The following MED27 variants were observed in gnomAD, a reference collection of about 807,000 sequenced individuals.
MED27 encodes the protein mediator of RNA polymerase II transcription subunit 27.
In MED27, 30 loss-of-function variants were observed where a neutral mutation model predicts 38.2. That is an observed-to-expected ratio of 0.79 (90% CI 0.59 to 1.07). MED27 has a LOEUF of 1.07. Among genes scored for constraint, MED27 ranks in the 50% least tolerant of loss-of-function variants. The probability of loss-of-function intolerance (pLI) is 0.00; values close to 1 mark genes in which losing one functional copy is unlikely to be tolerated. For missense variants in MED27, 289 were observed against 397.5 expected, an observed-to-expected ratio of 0.73 and a Z score of 2.32; for synonymous variants, 122 against 153.5, an observed-to-expected ratio of 0.79 and a Z score of 1.52.
chr9:131,977,550 G>A (rs1408481936), intron 3 of MED27, among the ~76,000 whole-genome samples: 2 of 152,074 alleles, frequency 1.3e-5, no homozygotes, highest in Non-Finnish European at 2.9e-5. Context: ...ACTCTGCTCT[G>A]CGGCTGGCTG....
intron 4 of MED27, among the ~76,000 whole-genome samples, chr9:131,929,097 A>C (rs994103249): frequency 2.0e-5 from 3 of 152,176 alleles, no homozygotes; most frequent in Admixed American, 2.0e-4. Context: ...CTCCCAAATG[A>C]TATTTCTCGA....
chr9:132,066,233 A>G (rs933933876), intron 2 of MED27, among the ~76,000 whole-genome samples: 1 of 152,244 alleles, frequency 6.6e-6, no homozygotes, highest in African/African-American at 2.4e-5. Context: ...CTTGGTCTTC[A>G]TCGAAGAGAC....
intron 3 of MED27, among the ~76,000 whole-genome samples, chr9:131,996,506 C>T (rs1832093817): frequency 6.6e-6 from 1 of 152,136 alleles, no homozygotes; most frequent in African/African-American, 2.4e-5. Context: ...CTAAGCTCTC[C>T]CTCAGGAAGG....
chr9:131,902,890 C>T (rs2131519934), intron 4 of MED27, among the ~76,000 whole-genome samples: 1 of 152,300 alleles, frequency 6.6e-6, no homozygotes, highest in Non-Finnish European at 1.5e-5. Flanking sequence ...CAGTTCTGGA[C>T]TCTGGGAGGA....
chr9:131,994,637 G>A (rs149750961), intron 3 of MED27, among the ~76,000 whole-genome samples: 6 of 152,292 alleles, frequency 3.9e-5, no homozygotes, highest in African/African-American at 1.4e-4. Context: ...TATGGCCTCA[G>A]GTCATACAAA....
rs909779201 is a variant in MED27, at chr9:131,889,770, C to T, written c.681+4115G>A. On this transcript the variant is annotated intron_variant, in intron 5 of 7. Transcript: ENST00000292035. The surrounding 1 kb of genome is among the most constrained non-coding windows in gnomAD (Gnocchi z 4.2). ...AAGGATAATGAAACTTTCGAATGTG[C>T]TGGTTGCTTTGGGCTTGGAGGACAG... is the stretch of plus-strand genomic sequence containing the variant. Among the ~76,000 whole-genome samples the T allele has an allele frequency of 6.6e-6, 1 of 152,180 alleles. No homozygotes were observed.
intron 2 of MED27, among the ~76,000 whole-genome samples, chr9:132,024,005 C>A (rs1274252537): frequency 1.3e-5 from 2 of 152,148 alleles, no homozygotes; most frequent in Admixed American, 1.3e-4. Context: ...CAAGGAGGCA[C>A]CTGCTTTCCT....
At chr9:131,980,600 T>C (rs991528883) in intron 3 of MED27, among the ~76,000 whole-genome samples, 3 of 152,208 alleles carry the variant, frequency 2.0e-5, no homozygotes, top group Admixed American at 2.0e-4. Context: ...CAGAAGACAG[T>C]TATGCTTCCC....
At chr9:131,909,978 C>T (rs1830157950) in intron 4 of MED27, among the ~76,000 whole-genome samples, 1 of 152,130 alleles carries the variant, frequency 6.6e-6, no homozygotes, top group African/African-American at 2.4e-5. Flanking sequence ...TGGACTTCAA[C>T]TCACCCAGGA....
rs1838778496 is a variant in MED27 at position 131,868,801 on chromosome 9, A to G, written c.724-5661T>C. ...TGCCCGCCATCTCCCAGGGCAGGTA[A>G]GTCTTTGGGAAGCTACAGTTCCGAC... is the stretch of plus-strand genomic sequence containing the variant. On this transcript the variant is annotated intron_variant, in intron 6 of 7. Transcript: ENST00000292035. The G allele has an allele frequency of 4.1e-6, 4 of 985,330 alleles. No homozygotes were observed. The Admixed American group carries it at 2.5e-4, about 61-fold the overall frequency. The allele number at this position is 985,330 out of a possible 1,614,324, so 61.0% of individuals were successfully genotyped here.
chr9:132,004,986 C>T (rs1832326957), intron 3 of MED27, among the ~76,000 whole-genome samples: 1 of 152,194 alleles, frequency 6.6e-6, no homozygotes, highest in Admixed American at 6.5e-5. Context: ...CTGGAAGAGA[C>T]AAAACTGAAA....
chr9:132,056,248 T>C (rs1833574294), intron 2 of MED27, among the ~76,000 whole-genome samples: 1 of 152,198 alleles, frequency 6.6e-6, no homozygotes, highest in African/African-American at 2.4e-5. Context: ...CAACAGACAC[T>C]GCTCATGCAA....
intron 3 of MED27, among the ~76,000 whole-genome samples, chr9:131,974,815 CAG>C (rs1831569022): frequency 6.6e-6 from 1 of 152,234 alleles, no homozygotes; most frequent in South Asian, 2.1e-4. Flanking sequence ...AGCTGTATTC[CAG>C]TGAGTATCCT....
chr9:131,911,455 T>C (rs1830186245), intron 4 of MED27, among the ~76,000 whole-genome samples: 1 of 152,212 alleles, frequency 6.6e-6, no homozygotes, highest in Non-Finnish European at 1.5e-5. Context: ...GTGTCAGCTG[T>C]CACTGGTTCC....
At position 132,073,877 on chromosome 9, in the gene MED27, C is replaced by T. The variant is rs192653260; in HGVS notation, c.348+3565G>A. 449 of 1,211,410 alleles carry T rather than the reference C, an allele frequency of 3.7e-4. No individual in the cohort carries two copies. The African/African-American group carries it at 3.9e-3, about 11-fold the overall frequency. 75.0% of individuals were successfully genotyped at this position (1,211,410 alleles called of 1,614,324 possible). A position where few individuals can be genotyped will look rare whatever the true frequency, so the allele number is the denominator to read the frequency against. On this transcript the variant is annotated intron_variant, in intron 2 of 7. Coordinates refer to ENST00000292035, the MANE Select transcript of MED27 (RefSeq NM_004269.4). ...AGCTTCAGATGTTGCCAGGGAAAGG[C>T]GGACGTCTTAGTCTGCTTTTCCAGG...
intron 2 of MED27, among the ~76,000 whole-genome samples, chr9:132,033,191 CCT>C (rs1564333112): frequency 6.6e-6 from 1 of 152,160 alleles, no homozygotes; most frequent in Non-Finnish European, 1.5e-5. Context: ...CCAAAGCTCC[CCT>C]GACATTTTCT....
At chr9:132,040,572 G>A (rs905784233) in intron 2 of MED27, among the ~76,000 whole-genome samples, 1 of 152,196 alleles carries the variant, frequency 6.6e-6, no homozygotes, top group African/African-American at 2.4e-5. Context: ...CAAATACTAA[G>A]GCAGCATGTT....
chr9:132,014,586 C>T, intron 2 of MED27, 119 bp from the exon 3 acceptor site: 1 of 950,886 alleles, frequency 1.1e-6, no homozygotes, highest in Non-Finnish European at 1.5e-6. Flanking sequence ...TAAGTAACTT[C>T]AAATACAACT....
intron 6 of MED27, among the ~76,000 whole-genome samples, chr9:131,877,570 C>T (rs938455301): frequency 1.2e-4 from 19 of 152,004 alleles, no homozygotes; most frequent in African/African-American, 3.9e-4. Context: ...AGTGGGACCC[C>T]GTCTCAAATA....
Sources: allele counts gnomAD v4.1 joint callset (sites outside exome capture counted in the v4.1 genomes callset), GRCh38; gene constraint gnomAD v4.1.1; non-coding constraint Gnocchi (gnomAD v3.1); transcripts MANE v1.5; gene names NCBI Gene and HGNC (gene_info 2026-07-23, HGNC 2026-07-21).